ZFHX3: variants seen among roughly 807,000 people sequenced by gnomAD.
ZFHX3 encodes zinc finger homeobox protein 3.
ZFHX3 carries 42 observed loss-of-function variants against 279.1 expected under a neutral mutation model. The observed-to-expected ratio is 0.15, with a 90% CI of 0.12 to 0.19. The LOEUF (loss-of-function observed/expected upper bound fraction) is 0.19, where lower values mean the gene tolerates loss of function less well. Among genes scored for constraint, ZFHX3 ranks in the 10% least tolerant of loss-of-function variants. The pLI, the probability that ZFHX3 is intolerant of heterozygous loss-of-function variation, is 1.00. For missense variants in ZFHX3, 4,981 were observed against 4,754.0 expected, an observed-to-expected ratio of 1.05 and a Z score of -1.40; for synonymous variants, 2,293 against 1,957.8, an observed-to-expected ratio of 1.17 and a Z score of -4.52.
intron 4 of ZFHX3, among the ~76,000 whole-genome samples, chr16:73,295,120 CA>C (rs1481279528): frequency 3.3e-5 from 5 of 152,056 alleles, no homozygotes; most frequent in African/African-American, 9.7e-5. Flanking sequence ...GAGGCTGAGG[CA>C]GGAGAATGGC....
intron 1 of ZFHX3, among the ~76,000 whole-genome samples, chr16:73,843,569 G>A (rs1039151814): frequency 2.0e-5 from 3 of 152,162 alleles, no homozygotes; most frequent in African/African-American, 7.2e-5. Flanking sequence ...CATCAAATAT[G>A]TTAAATGCAT....
Position 72,950,741 on chromosome 16 carries a change from C to T in ZFHX3, c.2944G>A (p.Asp982Asn), listed in dbSNP as rs758184009. 4 of 1,614,070 alleles carry T rather than the reference C, an allele frequency of 2.5e-6. No homozygotes were observed. Among genetic ancestry groups the T allele is most frequent in the Non-Finnish European group, 1.7e-6 (2 of 1,179,928 alleles). Residue 982 changes from aspartate (D) to asparagine (N), a missense_variant, in exon 3 of 10, where the codon GAC becomes AAC. Asp to Asn is a conservative substitution (Grantham distance 23, BLOSUM62 1). Around this residue, in one of 7 missense-constraint regions of ZFHX3, gnomAD observed 1,751 missense variants for 1,770.0 expected, o/e 0.99. Coordinates refer to ENST00000268489, the MANE Select transcript of ZFHX3 (RefSeq NM_006885.4). ...CGGCAGAGCTTGCACTGGTATGAGTCCCCCATCACCGCCTTCCACTCGTCC... is the reference window on the plus strand; with the variant it reads ...CGGCAGAGCTTGCACTGGTATGAGTTCCCCATCACCGCCTTCCACTCGTCC... ...SEDEWKAVMG[D>N]SYQCKLCRYN...
At chr16:73,779,932 T>C (rs780607824) in intron 1 of ZFHX3, among the ~76,000 whole-genome samples, 1 of 151,742 alleles carries the variant, frequency 6.6e-6, no homozygotes, top group African/African-American at 2.4e-5. Flanking sequence ...TTGGCCAGGA[T>C]GGTTTTGATC....
At position 73,859,040 on chromosome 16, in the gene ZFHX3, T is replaced by G. The variant is rs997049428; in HGVS notation, c.-1608+32611A>C. 2.6e-5 allele frequency among the ~76,000 whole-genome samples: 4 copies of G among 152,264 alleles called. No homozygotes were observed. In the East Asian group the frequency reaches 7.7e-4, roughly 29 times the overall value. On this transcript the variant is annotated intron_variant, in intron 1 of 17. Coordinates refer to the ZFHX3 transcript ENST00000641206. ...TAAGGGGATACAAGGAGATGGTAAA[T>G]CCCCATCTTTTCCCTGGGGAAAAGT...
chr16:73,317,238 C>T (rs1250265851), intron 4 of ZFHX3, among the ~76,000 whole-genome samples: 1 of 134,206 alleles, frequency 7.5e-6, no homozygotes, highest in Non-Finnish European at 1.5e-5. Flanking sequence ...ATGAGACTTC[C>T]ATGTTCCAGG....
At chr16:73,525,174 T>C (rs774921880) in intron 2 of ZFHX3, among the ~76,000 whole-genome samples, 18 of 152,314 alleles carry the variant, frequency 1.2e-4, no homozygotes, top group South Asian at 2.1e-4. Flanking sequence ...TCTCCCGACC[T>C]GGGGAGATTC....
At position 73,873,980 on chromosome 16, in the gene ZFHX3, A is replaced by G. The variant is rs374810524; in HGVS notation, c.-1608+17671T>C. Among the ~76,000 whole-genome samples the G allele has an allele frequency of 1.8e-3, 271 of 152,270 alleles. 1 individual carries two copies. Among genetic ancestry groups the G allele is most frequent in the African/African-American group, 6.3e-3 (261 of 41,558 alleles). Reference sequence around the variant, plus strand: ...GGAGAGGAAAAAAAAGTAAGAAGAAAAAAAAAAGAAACAAAGGTATTGCTA... The same window carrying G: ...GGAGAGGAAAAAAAAGTAAGAAGAAGAAAAAAAGAAACAAAGGTATTGCTA... On this transcript the variant is annotated intron_variant, in intron 1 of 17. Transcript: ENST00000641206.
At chr16:73,028,041 G>A (rs781046128) in intron 1 of ZFHX3, among the ~76,000 whole-genome samples, 13 of 152,028 alleles carry the variant, frequency 8.6e-5, no homozygotes, top group East Asian at 3.9e-4. Flanking sequence ...CTCCCAGGCC[G>A]CCAGGTCCCA....
At chr16:73,717,379 C>A (rs2053426192) in intron 1 of ZFHX3, among the ~76,000 whole-genome samples, 2 of 146,302 alleles carry the variant, frequency 1.4e-5, no homozygotes. Context: ...CCCTTTGTGC[C>A]AGAAGTTTCC....
chr16:73,872,357 C>G (rs1324319334), intron 1 of ZFHX3, among the ~76,000 whole-genome samples: 1 of 152,046 alleles, frequency 6.6e-6, no homozygotes, highest in Non-Finnish European at 1.5e-5. Flanking sequence ...TCCCCAGTAG[C>G]TGGGATTACA....
chr16:73,016,044 T>G (rs1054791342), intron 1 of ZFHX3: 1 of 152,214 alleles, frequency 6.6e-6, no homozygotes, highest in Non-Finnish European at 1.5e-5. Context: ...CTGAATCACC[T>G]CTATGCAAAG....
Position 72,786,042 on chromosome 16 carries a change from AT to A in ZFHX3, c.*1121del, listed in dbSNP as rs2035355046. Reference sequence around the variant, plus strand: ...TGAAGGCAGCTACCTTAAGTGGGAGATTATAGGACGGGAGGTGGGAGAAGGA... The same window carrying A: ...TGAAGGCAGCTACCTTAAGTGGGAGATATAGGACGGGAGGTGGGAGAAGGA... On this transcript the variant is annotated 3_prime_UTR_variant, in exon 10 of 10. Coordinates refer to ENST00000268489, the MANE Select transcript of ZFHX3 (RefSeq NM_006885.4). The A allele has an allele frequency of 6.6e-6, 1 of 152,120 alleles. No individual in the cohort carries two copies. Among genetic ancestry groups the A allele is most frequent in the Admixed American group, 6.6e-5 (1 of 15,266 alleles). The allele number at this position is 152,120 out of a possible 1,614,324, so 9.4% of individuals were successfully genotyped here.
intron 5 of ZFHX3, among the ~76,000 whole-genome samples, chr16:73,226,203 G>C (rs1163540574): frequency 6.6e-6 from 1 of 152,162 alleles, no homozygotes; most frequent in African/African-American, 2.4e-5. Flanking sequence ...TCTGCCCTCA[G>C]GGCCTCCCAG....
At chr16:73,627,600 G>A (rs2052429674) in intron 2 of ZFHX3, among the ~76,000 whole-genome samples, 1 of 152,204 alleles carries the variant, frequency 6.6e-6, no homozygotes, top group African/African-American at 2.4e-5. Flanking sequence ...TGATCACAAG[G>A]GGAAAGTCTT....
intron 3 of ZFHX3, among the ~76,000 whole-genome samples, chr16:73,398,855 G>GGT (rs2017186396): frequency 1.4e-5 from 1 of 73,140 alleles, no homozygotes; most frequent in Non-Finnish European, 3.4e-5. Context: ...AAGTGGCAGT[G>GGT]GTTTTTTTTG....
At chr16:73,045,329 G>A (rs1221547319) in intron 1 of ZFHX3, among the ~76,000 whole-genome samples, 3 of 152,220 alleles carry the variant, frequency 2.0e-5, no homozygotes, top group African/African-American at 7.2e-5. Flanking sequence ...GAGCCAGGCC[G>A]GTCCTGGGAG....
At chr16:73,078,935 C>T (rs1241349357) in intron 8 of ZFHX3, among the ~76,000 whole-genome samples, 2 of 152,084 alleles carry the variant, frequency 1.3e-5, no homozygotes, top group African/African-American at 2.4e-5. Context: ...TGAGCCACCG[C>T]GCCCGGCCCC....
At chr16:73,281,031 G>GAGGA (rs1567438772) in intron 4 of ZFHX3, among the ~76,000 whole-genome samples, 73 of 38,150 alleles carry the variant, frequency 1.9e-3, no homozygotes, top group Non-Finnish European at 3.1e-3. Flanking sequence ...AGAGGAGAGG[G>GAGGA]GAGGGGAGGG....
In ZFHX3 at chr16:73,881,483, C is replaced by CA. The variant is rs918298364; in HGVS notation, c.-1608+10167_-1608+10168insT. ...CTCTCTCTCTCTCTCTCTCTCTGCC[C>CA]CCCCCCCCCACTCTGCCCATGGTTA... On this transcript the variant is annotated intron_variant, in intron 1 of 17. Transcript: ENST00000641206. Among the ~76,000 whole-genome samples, 10 of 72,128 alleles carry CA rather than the reference C, an allele frequency of 1.4e-4. 1 individual carries two copies. The highest frequency in any genetic ancestry group is 3.8e-4 in the African/African-American group (9 of 23,962). The allele number at this position is 72,128 out of a possible 152,430, so 47.3% of individuals were successfully genotyped here.
Sources: gnomAD v4.1 joint callset for allele counts (sites outside exome capture counted in the v4.1 genomes callset) on GRCh38, gnomAD v4.1.1 for gene constraint, gnomAD v4.1.1 regional missense constraint, MANE v1.5 for transcripts, NCBI Gene and HGNC (gene_info 2026-07-23, HGNC 2026-07-21) for gene names.